Variants in GNPTAB observed in about 807,000 individuals in gnomAD.
GNPTAB encodes the protein N-acetylglucosamine-1-phosphate transferase subunits alpha and beta, also known as N-acetylglucosamine-1-phosphotransferase subunits alpha/beta.
GNPTAB carries 92 observed loss-of-function variants against 136.6 expected under a neutral mutation model. The ratio of observed to expected loss-of-function variants is 0.67; its 90% CI spans 0.57 to 0.80. GNPTAB has a LOEUF of 0.80. GNPTAB is among the 30% of genes least tolerant of loss of function. The probability of loss-of-function intolerance (pLI) is 0.00; values close to 1 mark genes in which losing one functional copy is unlikely to be tolerated. For synonymous variants in GNPTAB, 512 were observed against 535.1 expected (o/e 0.96, Z 0.60); for missense variants, 1,343 against 1,501.8 (o/e 0.89, Z 1.75).
intron 1 of GNPTAB, among the ~76,000 whole-genome samples, chr12:101,825,066 G>T (rs1433811158): frequency 6.6e-6 from 1 of 152,178 alleles, no homozygotes; most frequent in Non-Finnish European, 1.5e-5. Context: ...CCTCGAGGAT[G>T]TTTCAACCCA....
intron 1 of GNPTAB, among the ~76,000 whole-genome samples, chr12:101,799,369 A>C (rs565850753): frequency 6.6e-6 from 1 of 152,374 alleles, no homozygotes; most frequent in South Asian, 2.1e-4. Context: ...AAAAGGCAGA[A>C]GATCAGTTCC....
At chr12:101,796,510 T>A in intron 2 of GNPTAB, 167 bp downstream of exon 2, 1 of 624,740 alleles carries the variant, frequency 1.6e-6, no homozygotes, top group East Asian at 2.7e-5. Context: ...TCCTTTTTTT[T>A]AGTATATGTG....
intron 20 of GNPTAB, 46 bp downstream of exon 20, chr12:101,749,055 A>G (rs1268156179): frequency 9.5e-7 from 1 of 1,048,584 alleles, no homozygotes; most frequent in Non-Finnish European, 1.5e-6. Context: ...ATGCTAGTAT[A>G]CCAAGAAATA....
chr12:101,802,212 AAAAAAG>A (rs1436336213), intron 1 of GNPTAB, among the ~76,000 whole-genome samples: 2,456 of 150,232 alleles, frequency 0.016, 50 homozygotes, highest in African/African-American at 0.058. Flanking sequence ...AAAAAAAAAA[AAAAAAG>A]AAAAGAAAAG....
At chr12:101,763,896 C>T (rs1358333073) in intron 13 of GNPTAB, among the ~76,000 whole-genome samples, 3 of 152,178 alleles carry the variant, frequency 2.0e-5, no homozygotes, top group African/African-American at 4.8e-5. Context: ...TCTGAAATGT[C>T]AAGACAAGAC....
At chr12:101,788,734 G>T (rs1250320096) in intron 3 of GNPTAB, 145 bp from the exon 4 acceptor site, 3 of 657,310 alleles carry the variant, frequency 4.6e-6, no homozygotes, top group African/African-American at 3.6e-5. Flanking sequence ...CATGCACTGG[G>T]AAAGTCATAT....
chr12:101,777,103 T>C (rs1953272148), intron 7 of GNPTAB, among the ~76,000 whole-genome samples: 1 of 152,162 alleles, frequency 6.6e-6, no homozygotes, highest in South Asian at 2.1e-4. Context: ...AAGGTCCACC[T>C]CCCCTTTCAT....
intron 7 of GNPTAB, chr12:101,779,748 TTGTC>T (rs990015197): frequency 1.3e-5 from 3 of 238,044 alleles, no homozygotes; most frequent in African/African-American, 6.9e-5. Flanking sequence ...ATCCGGGCCT[TTGTC>T]TGTTTTGTCC....
At chr12:101,781,525 A>G (rs187070686) in intron 5 of GNPTAB, among the ~76,000 whole-genome samples, 1 of 152,062 alleles carries the variant, frequency 6.6e-6, no homozygotes, top group Non-Finnish European at 1.5e-5. Context: ...AACAAACAAA[A>G]AACACAAAAA....
intron 1 of GNPTAB, among the ~76,000 whole-genome samples, chr12:101,821,942 A>G (rs1870821953): frequency 6.6e-6 from 1 of 152,196 alleles, no homozygotes; most frequent in South Asian, 2.1e-4. Flanking sequence ...CTCACTGGGC[A>G]AAAGAGGCTG....
At chr12:101,776,245 T>G (rs1388111430) in intron 7 of GNPTAB, among the ~76,000 whole-genome samples, 1 of 152,086 alleles carries the variant, frequency 6.6e-6, no homozygotes, top group African/African-American at 2.4e-5. Flanking sequence ...AATCAAAAAA[T>G]AAATGCAAAA....
intron 8 of GNPTAB, among the ~76,000 whole-genome samples, 159 bp from the exon 9 acceptor site, chr12:101,770,744 A>T (rs1279919602): frequency 6.6e-6 from 1 of 152,220 alleles, no homozygotes; most frequent in African/African-American, 2.4e-5. Flanking sequence ...CAAAAGATTC[A>T]GTATATATAT....
intron 13 of GNPTAB, among the ~76,000 whole-genome samples, chr12:101,762,547 A>C (rs1192968898): frequency 6.6e-6 from 1 of 152,232 alleles, no homozygotes; most frequent in African/African-American, 2.4e-5. Flanking sequence ...CACTATTTGT[A>C]ATCACAAAAC....
chr12:101,808,039 G>T (rs1365563222), intron 1 of GNPTAB, among the ~76,000 whole-genome samples: 30 of 152,250 alleles, frequency 2.0e-4, no homozygotes, highest in Admixed American at 1.0e-3. Context: ...GAAATGCGTA[G>T]GCATAACTCT....
chr12:101,765,378 G>A, intron 12 of GNPTAB, 74 bp from the exon 13 acceptor site: 2 of 1,011,766 alleles, frequency 2.0e-6, no homozygotes, highest in African/African-American at 1.6e-5. Context: ...AATTCTTTGA[G>A]TCTGAGTTTT....
At chr12:101,796,958 A>G (rs1310108084) in intron 1 of GNPTAB, among the ~76,000 whole-genome samples, 196 bp from the exon 2 acceptor site, 1 of 152,204 alleles carries the variant, frequency 6.6e-6, no homozygotes, top group Non-Finnish European at 1.5e-5. Context: ...GACAAACTAA[A>G]AGACTTAGTG....
intron 10 of GNPTAB, among the ~76,000 whole-genome samples, chr12:101,769,260 T>G (rs1594218084): frequency 6.6e-6 from 1 of 152,306 alleles, no homozygotes; most frequent in East Asian, 1.9e-4. Context: ...GGCCCCTAAG[T>G]CTGTACTCTT....
intron 1 of GNPTAB, among the ~76,000 whole-genome samples, chr12:101,812,454 TA>T (rs1870287059): frequency 6.6e-6 from 1 of 152,052 alleles, no homozygotes; most frequent in South Asian, 2.1e-4. Context: ...CTCAAAAAAT[TA>T]GCAAAAACCT....
intron 1 of GNPTAB, among the ~76,000 whole-genome samples, chr12:101,812,370 C>T (rs181586215): frequency 4.6e-5 from 7 of 152,298 alleles, no homozygotes; most frequent in South Asian, 2.1e-4. Context: ...TTCTCCAACA[C>T]GGAGGATGAC....
Sources: gnomAD v4.1 joint callset for allele counts (sites outside exome capture counted in the v4.1 genomes callset) on GRCh38, gnomAD v4.1.1 for gene constraint, MANE v1.5 for transcripts, NCBI Gene and HGNC (gene_info 2026-07-23, HGNC 2026-07-21) for gene names.